CD109: variants seen among roughly 807,000 people sequenced by gnomAD.
The protein encoded by CD109 is CD109 antigen.
CD109 carries 149 observed loss-of-function variants against 165.8 expected under a neutral mutation model. The observed-to-expected ratio is 0.90, with a 90% CI of 0.79 to 1.03. The LOEUF (loss-of-function observed/expected upper bound fraction) is 1.03. CD109 is among the 50% of genes least tolerant of loss of function. The pLI, the probability that CD109 is intolerant of heterozygous loss-of-function variation, is 0.00. For synonymous variants in CD109, 585 were observed against 592.1 expected (o/e 0.99, Z 0.18); for missense variants, 1,712 against 1,677.8 (o/e 1.02, Z -0.36).
rs1773664860 is a variant in CD109 at position 73,762,236 on chromosome 6, C to T, written c.759-148C>T. 6 of 574,590 alleles carry T rather than the reference C, an allele frequency of 1.0e-5. No homozygotes were observed. In the East Asian group the frequency reaches 1.6e-4, roughly 15 times the overall value. 35.6% of individuals were successfully genotyped at this position (574,590 alleles called of 1,614,324 possible). The stretch of plus-strand genomic sequence containing the variant: ...TCGGCCTCCCAAAGTGCTGGGATTA[C>T]AGGCGTGAGCCACCGCTCCCAGCCC... On this transcript the variant is annotated intron_variant, in intron 7 of 32. Coordinates refer to ENST00000287097, the MANE Select transcript of CD109 (RefSeq NM_133493.5).
intron 3 of CD109, among the ~76,000 whole-genome samples, chr6:73,729,178 G>A (rs1772251106): frequency 6.6e-6 from 1 of 152,178 alleles, no homozygotes; most frequent in Non-Finnish European, 1.5e-5. Flanking sequence ...TGATCCAAGC[G>A]AGAAAGAGAG....
At chr6:73,784,435 C>T (rs954026795) in intron 19 of CD109, among the ~76,000 whole-genome samples, 2 of 152,140 alleles carry the variant, frequency 1.3e-5, no homozygotes, top group African/African-American at 4.8e-5. Context: ...TATAAACAGA[C>T]AATTCAGCAA....
intron 5 of CD109, among the ~76,000 whole-genome samples, chr6:73,755,573 A>G (rs187807649): frequency 1.3e-5 from 2 of 152,328 alleles, no homozygotes; most frequent in East Asian, 3.9e-4. Context: ...TTTGGGAATT[A>G]AATTTACAAT....
At chr6:73,777,281 T>A (rs12662441) in intron 15 of CD109, among the ~76,000 whole-genome samples, 58,327 of 150,674 alleles carry the variant, frequency 0.39, 11,495 homozygotes, top group African/African-American at 0.47. Context: ...TTAAAAAAAT[T>A]TTTTTTTTCT....
chr6:73,788,550 T>C lies in CD109; in HGVS notation c.2639T>C (p.Leu880Ser), dbSNP rs1168798738. 5 of 1,613,668 alleles carry C rather than the reference T, an allele frequency of 3.1e-6. No homozygotes were observed. The highest frequency in any genetic ancestry group is 3.3e-4 in the Middle Eastern group (2 of 6,056). Residue 880 changes from leucine (L) to serine (S), a missense_variant, in exon 22 of 33, where the codon TTG (leucine) becomes TCG (serine). By Grantham distance (145) the Leu-to-Ser change is moderately radical. Transcript: ENST00000287097. The part of the protein sequence containing the change: ...DNRLQSTLKT[L>S]SFSFPPNTVT... ...AGGCTACAGAGTACCCTGAAAACTT[T>C]GAGTTTCTCATTTCCTCCTAATACA...
chr6:73,690,039 T>A, the CD109 span, among the ~76,000 whole-genome samples: 4 of 152,244 alleles, frequency 2.6e-5, no homozygotes, highest in African/African-American at 9.6e-5. Flanking sequence ...TATTCTTTTT[T>A]ATTCAGTGTT....
chr6:73,790,099 C>CTTTTTTTTTTT (rs56024477), intron 22 of CD109, among the ~76,000 whole-genome samples: 2 of 130,058 alleles, frequency 1.5e-5, no homozygotes, highest in Admixed American at 8.1e-5. Context: ...GCTAAAAGTC[C>CTTTTTTTTTTT]TTTTTTTTTT....
At chr6:73,725,652 G>A (rs1031296817) in intron 3 of CD109, among the ~76,000 whole-genome samples, 2 of 151,872 alleles carry the variant, frequency 1.3e-5, no homozygotes, top group Non-Finnish European at 2.9e-5. Context: ...GGGATTACAG[G>A]CATGCACCAC....
At chr6:73,754,467 A>C (rs928766217) in intron 5 of CD109, among the ~76,000 whole-genome samples, 2 of 152,210 alleles carry the variant, frequency 1.3e-5, no homozygotes, top group Non-Finnish European at 2.9e-5. Flanking sequence ...TCCAGGATTG[A>C]TCAGGGACTG....
chr6:73,749,141 A>C (rs138300477), intron 5 of CD109, among the ~76,000 whole-genome samples: 87 of 152,196 alleles, frequency 5.7e-4, no homozygotes, highest in African/African-American at 2.0e-3. Context: ...TAAAGGTGAC[A>C]AGACACAGAC....
chr6:73,710,082 T>G (rs1771465473), intron 2 of CD109, among the ~76,000 whole-genome samples: 1 of 152,140 alleles, frequency 6.6e-6, no homozygotes, highest in Non-Finnish European at 1.5e-5. Flanking sequence ...GTGTTGGAGG[T>G]TCTGGCTAGG....
chr6:73,774,165 G>A (rs1774150023), intron 15 of CD109, among the ~76,000 whole-genome samples: 1 of 151,926 alleles, frequency 6.6e-6, no homozygotes, highest in Admixed American at 6.6e-5. Flanking sequence ...TTATTGAATT[G>A]AACTTTTCAG....
At chr6:73,776,395 G>A (rs920698223) in intron 15 of CD109, among the ~76,000 whole-genome samples, 11 of 151,626 alleles carry the variant, frequency 7.3e-5, no homozygotes, top group African/African-American at 2.7e-4. Context: ...TGGGACTACA[G>A]GTGTCGCCTC....
At chr6:73,784,587 T>C (rs147232010) in intron 19 of CD109, among the ~76,000 whole-genome samples, 270 of 152,288 alleles carry the variant, frequency 1.8e-3, no homozygotes, top group South Asian at 6.8e-3. Flanking sequence ...CTAAGACACC[T>C]TCACAAATGT....
At chr6:73,685,061 C>T in the CD109 span, among the ~76,000 whole-genome samples, 78 of 151,772 alleles carry the variant, frequency 5.1e-4, no homozygotes, top group African/African-American at 1.6e-3. Flanking sequence ...GGACTACAGG[C>T]ACAGCTAATT....
chr6:73,817,466 C>T (rs992181917), intron 30 of CD109, among the ~76,000 whole-genome samples: 1 of 152,172 alleles, frequency 6.6e-6, no homozygotes, highest in Non-Finnish European at 1.5e-5. Flanking sequence ...CTGAAGTCAG[C>T]AGTTGTACTG....
rs1776318867 is a variant in CD109, at chr6:73,827,767, A to G, written c.*4134A>G. 6.6e-6 allele frequency: 1 copy of G among 152,182 alleles called. No homozygotes were observed. The highest frequency in any genetic ancestry group is 1.5e-5 in the Non-Finnish European group (1 of 68,022). 9.4% of individuals were successfully genotyped at this position (152,182 alleles called of 1,614,324 possible). ...TAACATAGGAAAATAGATATTTCCT[A>G]GATGATTTCTGAGTTTCTTACTGCA... On this transcript the variant is annotated 3_prime_UTR_variant, in exon 33 of 33. Coordinates refer to ENST00000287097, the MANE Select transcript of CD109 (RefSeq NM_133493.5).
intron 29 of CD109, among the ~76,000 whole-genome samples, chr6:73,812,896 A>C (rs1582202121): frequency 6.6e-6 from 1 of 152,104 alleles, no homozygotes; most frequent in African/African-American, 2.4e-5. Flanking sequence ...AGGACCAAAA[A>C]TGGTTGTGTG....
chr6:73,715,331 G>A (rs1771694473), intron 2 of CD109, among the ~76,000 whole-genome samples: 1 of 152,020 alleles, frequency 6.6e-6, no homozygotes, highest in South Asian at 2.1e-4. Flanking sequence ...GGGAAGTCAA[G>A]GTGGGAGGAT....
Sources: gnomAD v4.1 joint callset for allele counts (sites outside exome capture counted in the v4.1 genomes callset) on GRCh38, gnomAD v4.1.1 for gene constraint, MANE v1.5 for transcripts, NCBI Gene and HGNC (gene_info 2026-07-23, HGNC 2026-07-21) for gene names.